NXPE2: variants seen among roughly 807,000 people sequenced by gnomAD.
The protein encoded by NXPE2 is NXPE family member 2.
In NXPE2, 34 loss-of-function variants were observed where a neutral mutation model predicts 34.4. The observed-to-expected ratio is 0.99, with a 90% CI of 0.75 to 1.31. NXPE2 has a LOEUF of 1.31. Among genes scored for constraint, NXPE2 ranks in the 40% most tolerant of loss-of-function variants. NXPE2 has a pLI of 0.00. For missense variants in NXPE2, 649 were observed against 672.5 expected (o/e 0.97, Z 0.39); for synonymous variants, 235 against 231.3 (o/e 1.02, Z -0.15).
the NXPE2 span, among the ~76,000 whole-genome samples, chr11:114,620,165 T>C: frequency 1.3e-5 from 2 of 152,148 alleles, no homozygotes; most frequent in South Asian, 2.1e-4. Flanking sequence ...ATGATAAATA[T>C]TGCCTCATGG....
the NXPE2 span, among the ~76,000 whole-genome samples, chr11:114,801,791 T>C: frequency 6.6e-6 from 1 of 152,216 alleles, no homozygotes; most frequent in Non-Finnish European, 1.5e-5. Flanking sequence ...GACTGAACCA[T>C]GAAATATGCA....
At chr11:114,724,332 T>C in the NXPE2 span, among the ~76,000 whole-genome samples, 3 of 152,140 alleles carry the variant, frequency 2.0e-5, no homozygotes, top group Admixed American at 6.5e-5. Context: ...AGAATGGAAA[T>C]TTATTTCCTC....
chr11:114,582,553 A>G, the NXPE2 span: 3 of 1,614,060 alleles, frequency 1.9e-6, no homozygotes, highest in Non-Finnish European at 8.5e-7. Flanking sequence ...CAGAGAGCTG[A>G]CACCCCTTCA....
the NXPE2 span, chr11:114,522,508 T>C: frequency 1.3e-6 from 2 of 1,570,750 alleles, no homozygotes; most frequent in South Asian, 1.2e-5. Context: ...TCAGTGCTGA[T>C]AAAAAAACAA....
chr11:114,521,383 A>G, the NXPE2 span, among the ~76,000 whole-genome samples: 4 of 152,154 alleles, frequency 2.6e-5, no homozygotes, highest in South Asian at 8.3e-4. Context: ...ATCTATGGCC[A>G]ATGAAGAGAC....
At chr11:114,721,847 T>A in the NXPE2 span, among the ~76,000 whole-genome samples, 1 of 152,142 alleles carries the variant, frequency 6.6e-6, no homozygotes, top group East Asian at 1.9e-4. Context: ...CTGGAGCACG[T>A]GTCTTTAGTT....
the NXPE2 span, among the ~76,000 whole-genome samples, chr11:114,784,061 C>G: frequency 1.2e-3 from 189 of 152,318 alleles, no homozygotes; most frequent in African/African-American, 4.4e-3. Context: ...AAAGTAGCCT[C>G]AAGGTCACAC....
At chr11:114,776,424 G>C in the NXPE2 span, among the ~76,000 whole-genome samples, 1 of 152,404 alleles carries the variant, frequency 6.6e-6, no homozygotes, top group South Asian at 2.1e-4. Flanking sequence ...GTGAAGCGCA[G>C]GAAGTTAAGA....
the NXPE2 span, among the ~76,000 whole-genome samples, chr11:114,620,799 G>A: frequency 6.6e-6 from 1 of 151,916 alleles, no homozygotes; most frequent in Non-Finnish European, 1.5e-5. Flanking sequence ...AATAAGTGTT[G>A]CCTCAGGGGA....
chr11:114,737,143 G>A, the NXPE2 span, among the ~76,000 whole-genome samples: 1 of 152,088 alleles, frequency 6.6e-6, no homozygotes, highest in African/African-American at 2.4e-5. Context: ...GTCCAATTTC[G>A]ATCTTTGCTC....
At chr11:114,470,312 A>G in the NXPE2 span, among the ~76,000 whole-genome samples, 1 of 152,194 alleles carries the variant, frequency 6.6e-6, no homozygotes, top group Non-Finnish European at 1.5e-5. Flanking sequence ...ATTCTCACCA[A>G]CTATGTGAGA....
the NXPE2 span, among the ~76,000 whole-genome samples, chr11:114,746,105 T>A: frequency 6.6e-6 from 1 of 152,192 alleles, no homozygotes; most frequent in Non-Finnish European, 1.5e-5. Context: ...TGGCTTTAGT[T>A]GAATGTTGAC....
At chr11:114,761,475 G>A in the NXPE2 span, among the ~76,000 whole-genome samples, 180 of 151,448 alleles carry the variant, frequency 1.2e-3, no homozygotes, top group Non-Finnish European at 2.0e-3. Context: ...GGAAGCCTGT[G>A]TAAGTTAGAG....
chr11:114,639,373 C>G, the NXPE2 span, among the ~76,000 whole-genome samples: 1 of 151,938 alleles, frequency 6.6e-6, no homozygotes, highest in Non-Finnish European at 1.5e-5. Context: ...CGTCTGTTAC[C>G]CCTTTCTTTG....
chr11:114,540,335 A>G, the NXPE2 span, among the ~76,000 whole-genome samples: 58 of 152,364 alleles, frequency 3.8e-4, no homozygotes, highest in African/African-American at 1.3e-3. Context: ...ATTCTCAGAC[A>G]TCATGAACTA....
chr11:114,532,848 T>A, the NXPE2 span, among the ~76,000 whole-genome samples: 3 of 152,280 alleles, frequency 2.0e-5, no homozygotes, highest in East Asian at 5.8e-4. Flanking sequence ...GAGTGAAAAA[T>A]CTTGTAGTAT....
chr11:114,506,759 A>G, the NXPE2 span, among the ~76,000 whole-genome samples: 1 of 152,180 alleles, frequency 6.6e-6, no homozygotes, highest in African/African-American at 2.4e-5. Context: ...TAATAACACT[A>G]AACACCCATA....
chr11:114,647,194 T>C, the NXPE2 span, among the ~76,000 whole-genome samples: 1 of 152,372 alleles, frequency 6.6e-6, no homozygotes, highest in East Asian at 1.9e-4. Flanking sequence ...CACTGCTATA[T>C]TATTCACCTT....
chr11:114,533,514 G>A, the NXPE2 span, among the ~76,000 whole-genome samples: 1 of 152,234 alleles, frequency 6.6e-6, no homozygotes, highest in Non-Finnish European at 1.5e-5. Flanking sequence ...AGCACAAGCG[G>A]TCAGGGAATT....
Sources: gnomAD v4.1 joint callset for allele counts (sites outside exome capture counted in the v4.1 genomes callset) on GRCh38, gnomAD v4.1.1 for gene constraint, MANE v1.5 for transcripts, NCBI Gene and HGNC (gene_info 2026-07-23, HGNC 2026-07-21) for gene names.